TAX1BP1: variants seen among roughly 807,000 people sequenced by gnomAD.
The protein encoded by TAX1BP1 is Tax1 binding protein 1.
TAX1BP1 carries 62 observed loss-of-function variants against 97.7 expected under a neutral mutation model. That is an observed-to-expected ratio of 0.63 (90% CI 0.52 to 0.78). The LOEUF (loss-of-function observed/expected upper bound fraction) is 0.78, where lower values mean the gene tolerates loss of function less well. Ranked by LOEUF, TAX1BP1 falls within the 30% of genes least tolerant of loss-of-function variation. The pLI is 0.00. For synonymous variants in TAX1BP1, 340 were observed against 304.2 expected (o/e 1.12, Z -1.23); for missense variants, 867 against 916.1 (o/e 0.95, Z 0.69).
At chr7:27,815,473 A>C (rs1246685573) in intron 13 of TAX1BP1, among the ~76,000 whole-genome samples, 1 of 152,190 alleles carries the variant, frequency 6.6e-6, no homozygotes, top group Non-Finnish European at 1.5e-5. Context: ...TTTGGATGTT[A>C]AAATGACTTT....
chr7:27,770,502 A>G (rs1562710598), intron 5 of TAX1BP1, among the ~76,000 whole-genome samples: 1 of 152,206 alleles, frequency 6.6e-6, no homozygotes, highest in East Asian at 1.9e-4. Context: ...CTGTGATCTT[A>G]TATATTACAG....
chr7:27,795,648 G>T (rs1156963110), intron 11 of TAX1BP1, among the ~76,000 whole-genome samples: 2 of 152,140 alleles, frequency 1.3e-5, no homozygotes, highest in African/African-American at 4.8e-5. Context: ...TGCCTTCTGG[G>T]TTCAAGCAAT....
rs1401334333 is a variant in TAX1BP1 at position 27,793,158 on chromosome 7, A to G, written c.1356A>G (p.Lys452=). 2 of 1,595,620 alleles carry G rather than the reference A, an allele frequency of 1.3e-6. No homozygotes were observed. Among genetic ancestry groups the G allele is most frequent in the South Asian group, 1.2e-5 (1 of 86,638 alleles). ...LQMAADHYKE[K]FKECQRLQKQ... ...TGGCTGCAGACCATTATAAAGAAAA[A>G]TTTAAGGAATGCCAAAGGCTCCAAA... Residue 452 remains lysine, a synonymous_variant, in exon 10 of 17, where the codon AAA becomes AAG. Transcript: ENST00000396319.
chr7:27,785,551 G>A (rs1014522215), intron 7 of TAX1BP1, 62 bp downstream of exon 7: 2 of 1,385,086 alleles, frequency 1.4e-6, no homozygotes, highest in African/African-American at 1.4e-5. Context: ...CCAGAACTTA[G>A]GGGCTGTAGG....
At chr7:27,768,094 A>T (rs1788709352) in intron 4 of TAX1BP1, among the ~76,000 whole-genome samples, 1 of 151,940 alleles carries the variant, frequency 6.6e-6, no homozygotes, top group Admixed American at 6.6e-5. Flanking sequence ...CTATTGGAGG[A>T]TATAAAATTA....
intron 13 of TAX1BP1, among the ~76,000 whole-genome samples, chr7:27,813,131 C>T (rs1473812431): frequency 6.7e-6 from 1 of 149,494 alleles, no homozygotes; most frequent in East Asian, 1.9e-4. Flanking sequence ...CATAAGTCCT[C>T]CAACTTTGTT....
intron 14 of TAX1BP1, 85 bp from the exon 15 acceptor site, chr7:27,816,805 T>TTATATCC (rs1474371173): frequency 2.7e-6 from 4 of 1,504,960 alleles, no homozygotes; most frequent in Non-Finnish European, 3.6e-6. Context: ...AAGTGGTTCT[T>TTATATCC]TATATCCTGT....
At position 27,792,036 on chromosome 7, in the gene TAX1BP1, C is replaced by T. The variant is rs377033381; in HGVS notation, c.1069C>T (p.Arg357Cys). The T allele has an allele frequency of 2.0e-5, 32 of 1,613,890 alleles. No individual in the cohort carries two copies. The highest frequency in any genetic ancestry group is 5.0e-5 in the Admixed American group (3 of 59,988). Residue 357 changes from arginine to cysteine, a missense_variant, in exon 9 of 17, where the codon CGT becomes TGT. Arg to Cys is a radical substitution (Grantham distance 180). Coordinates refer to ENST00000396319, the MANE Select transcript of TAX1BP1 (RefSeq NM_006024.7). ...EDTCFLKEQLRKAEEQVQATR... is the reference protein window; with the variant it reads ...EDTCFLKEQLCKAEEQVQATR... ...TACTTGTTTTTTAAAGGAGCAACTT[C>T]GTAAAGCAGAGGAACAGGTTCAGGC...
chr7:27,780,739 C>G (rs1251558537), intron 5 of TAX1BP1, among the ~76,000 whole-genome samples: 3 of 152,022 alleles, frequency 2.0e-5, no homozygotes, highest in Non-Finnish European at 4.4e-5. Context: ...GTATACATAG[C>G]AATATATTTC....
chr7:27,769,264 T>A (rs2128312350), intron 4 of TAX1BP1, among the ~76,000 whole-genome samples: 1 of 152,074 alleles, frequency 6.6e-6, no homozygotes, highest in Admixed American at 6.5e-5. Context: ...AGTAAGTTTG[T>A]GATAGATTCA....
intron 1 of TAX1BP1, among the ~76,000 whole-genome samples, chr7:27,747,039 C>T (rs1583663167): frequency 6.6e-6 from 1 of 152,116 alleles, no homozygotes; most frequent in African/African-American, 2.4e-5. Flanking sequence ...ATGAGTAGAG[C>T]CTTACTGCTG....
intron 1 of TAX1BP1, among the ~76,000 whole-genome samples, chr7:27,744,365 T>G (rs1039465896): frequency 6.6e-5 from 10 of 152,190 alleles, no homozygotes; most frequent in Non-Finnish European, 1.0e-4. Context: ...GAACTCGTGA[T>G]CCGCCCGCCT....
intron 4 of TAX1BP1, among the ~76,000 whole-genome samples, chr7:27,766,504 CT>C (rs939028855): frequency 2.4e-5 from 3 of 124,796 alleles, no homozygotes; most frequent in South Asian, 2.6e-4. Context: ...TTTAGAGTGT[CT>C]TTTTTTGAAA....
At chr7:27,788,766 G>A (rs1789586515) in intron 8 of TAX1BP1, among the ~76,000 whole-genome samples, 1 of 151,914 alleles carries the variant, frequency 6.6e-6, no homozygotes, top group African/African-American at 2.4e-5. Context: ...ACAACTGTAT[G>A]TTCTAACTTC....
At chr7:27,791,974 GA>G in intron 8 of TAX1BP1, 31 bp from the exon 9 acceptor site, 1 of 1,596,892 alleles carries the variant, frequency 6.3e-7, no homozygotes, top group Non-Finnish European at 8.6e-7. Context: ...TTGAGTGGTT[GA>G]ATTACAAATA....
chr7:27,754,040 G>A (rs966388452), intron 2 of TAX1BP1, among the ~76,000 whole-genome samples: 1 of 152,132 alleles, frequency 6.6e-6, no homozygotes, highest in African/African-American at 2.4e-5. Context: ...GAAACTGGAA[G>A]TGCAAAGTGG....
intron 7 of TAX1BP1, among the ~76,000 whole-genome samples, chr7:27,786,160 C>T (rs1316597598): frequency 6.9e-6 from 1 of 145,708 alleles, no homozygotes; most frequent in East Asian, 2.0e-4. Flanking sequence ...GAGATGGAGT[C>T]TCGCTCTGTC....
intron 1 of TAX1BP1, among the ~76,000 whole-genome samples, chr7:27,740,602 C>A (rs1293833507): frequency 2.0e-5 from 3 of 151,826 alleles, no homozygotes; most frequent in African/African-American, 7.3e-5. Flanking sequence ...GGACGAGTGA[C>A]GCTGGCGACC....
chr7:27,785,114 C>T (rs1014306237), intron 5 of TAX1BP1, 49 bp from the exon 6 acceptor site: 2 of 1,540,506 alleles, frequency 1.3e-6, no homozygotes, highest in Non-Finnish European at 1.7e-6. Context: ...ATTTGCTTTA[C>T]TGATTATGTT....
Sources: allele counts gnomAD v4.1 joint callset (sites outside exome capture counted in the v4.1 genomes callset), GRCh38; gene constraint gnomAD v4.1.1; transcripts MANE v1.5; gene names NCBI Gene and HGNC (gene_info 2026-07-23, HGNC 2026-07-21).